ANKS1B: variants seen among roughly 807,000 people sequenced by gnomAD.
ANKS1B encodes the protein ankyrin repeat and sterile alpha motif domain-containing protein 1B.
In ANKS1B, 36 loss-of-function variants were observed where a neutral mutation model predicts 148.3. The observed-to-expected ratio is 0.24, with a 90% CI of 0.19 to 0.32. The LOEUF is 0.32. ANKS1B is among the 10% of genes least tolerant of loss of function. The pLI, the probability that ANKS1B is intolerant of heterozygous loss-of-function variation, is 1.00. For synonymous variants in ANKS1B, 542 were observed against 560.8 expected (o/e 0.97, Z 0.47); for missense variants, 1,157 against 1,542.6 (o/e 0.75, Z 4.19).
intron 19 of ANKS1B, among the ~76,000 whole-genome samples, chr12:98,823,206 T>C (rs1199593220): frequency 6.6e-6 from 1 of 152,240 alleles, no homozygotes; most frequent in Non-Finnish European, 1.5e-5. Flanking sequence ...TGTCAGCTTG[T>C]CAACTTGACG....
intron 4 of ANKS1B, among the ~76,000 whole-genome samples, chr12:99,800,441 C>CA (rs138056927): frequency 0.081 from 7,027 of 86,510 alleles, 473 homozygotes; most frequent in African/African-American, 0.19. Flanking sequence ...ATACAGAAGC[C>CA]AAAAAAAAAA....
intron 17 of ANKS1B, among the ~76,000 whole-genome samples, chr12:98,993,725 T>C (rs2099927974): frequency 6.6e-6 from 1 of 152,222 alleles, no homozygotes; most frequent in African/African-American, 2.4e-5. Context: ...AGTCAATTCT[T>C]TGGCTAAATG....
chr12:99,363,515 G>A (rs1189616282), intron 12 of ANKS1B, among the ~76,000 whole-genome samples: 1 of 152,064 alleles, frequency 6.6e-6, no homozygotes, highest in Non-Finnish European at 1.5e-5. Context: ...ATTTTGCATT[G>A]AGATGAAAAA....
intron 17 of ANKS1B, among the ~76,000 whole-genome samples, chr12:98,882,746 C>T (rs947862822): frequency 6.8e-6 from 1 of 147,746 alleles, no homozygotes; most frequent in Non-Finnish European, 1.5e-5. Context: ...CAAGTAACTG[C>T]CATACTGCAA....
chr12:99,338,635 T>A (rs1041741819), intron 12 of ANKS1B, among the ~76,000 whole-genome samples: 3 of 152,160 alleles, frequency 2.0e-5, no homozygotes, highest in Non-Finnish European at 4.4e-5. Context: ...TGCTGGGCCA[T>A]GCCAGAAGCC....
intron 17 of ANKS1B, among the ~76,000 whole-genome samples, chr12:98,897,667 A>G (rs935630366): frequency 3.0e-4 from 46 of 152,360 alleles, no homozygotes; most frequent in African/African-American, 1.1e-3. Flanking sequence ...GGGATTTCTC[A>G]AAGAGCTATA....
chr12:99,621,764 TC>T (rs1169017688), intron 9 of ANKS1B, among the ~76,000 whole-genome samples: 4 of 152,024 alleles, frequency 2.6e-5, no homozygotes, highest in Non-Finnish European at 5.9e-5. Context: ...AACAAGTATT[TC>T]TAGAGCTACA....
At chr12:99,567,515 T>C (rs57761398) in intron 9 of ANKS1B, among the ~76,000 whole-genome samples, 8,821 of 152,026 alleles carry the variant, frequency 0.058, 367 homozygotes, top group East Asian at 0.24. Context: ...TACATCCATA[T>C]GGTTGTGTGA....
intron 15 of ANKS1B, among the ~76,000 whole-genome samples, chr12:99,137,557 G>T (rs776738466): frequency 2.0e-5 from 3 of 152,196 alleles, no homozygotes; most frequent in Non-Finnish European, 2.9e-5. Flanking sequence ...CACAGAGAGG[G>T]CTGTGGAGAT....
intron 9 of ANKS1B, among the ~76,000 whole-genome samples, chr12:99,634,346 C>T (rs1453290367): frequency 1.3e-5 from 2 of 152,096 alleles, no homozygotes; most frequent in Non-Finnish European, 2.9e-5. Context: ...TGAGGCCCTG[C>T]ACCACCTTGG....
chr12:99,327,028 ATAT>A (rs1472567567), intron 12 of ANKS1B, among the ~76,000 whole-genome samples: 1 of 119,044 alleles, frequency 8.4e-6, no homozygotes, highest in East Asian at 2.0e-4. Flanking sequence ...ATTATAATAA[ATAT>A]TATATATATT....
intron 1 of ANKS1B, among the ~76,000 whole-genome samples, chr12:99,873,945 T>G (rs2091812725): frequency 6.6e-6 from 1 of 151,746 alleles, no homozygotes; most frequent in African/African-American, 2.4e-5. Flanking sequence ...GCTCTGCAGA[T>G]TTTGGACTTG....
chr12:99,914,725 G>C lies in ANKS1B; in HGVS notation c.134+69379C>G, dbSNP rs187832583. On this transcript the variant is annotated intron_variant, in intron 1 of 26. Coordinates refer to ENST00000683438, the MANE Select transcript of ANKS1B (RefSeq NM_001352186.2). ...TGATGCATGGGAGGGTGATATTTAG[G>C]GGGGTGTACATGAGACCACTAAACA... 3.9e-5 allele frequency among the ~76,000 whole-genome samples: 6 copies of C among 152,122 alleles called. No homozygotes were observed. In the East Asian group the frequency reaches 1.2e-3, roughly 30 times the overall value.
At chr12:99,693,844 G>T (rs376578460) in intron 8 of ANKS1B, among the ~76,000 whole-genome samples, 1 of 149,068 alleles carries the variant, frequency 6.7e-6, no homozygotes, top group South Asian at 2.1e-4. Context: ...GCAGTGGCGC[G>T]ATCTCAGCTC....
intron 19 of ANKS1B, among the ~76,000 whole-genome samples, chr12:98,825,644 C>T (rs1014032551): frequency 9.9e-5 from 15 of 152,146 alleles, no homozygotes; most frequent in African/African-American, 2.9e-4. Context: ...GCTTAACTTG[C>T]AGCATTTGGA....
At chr12:99,493,440 A>T (rs1424901458) in intron 10 of ANKS1B, among the ~76,000 whole-genome samples, 2 of 151,638 alleles carry the variant, frequency 1.3e-5, no homozygotes, top group Non-Finnish European at 2.9e-5. Flanking sequence ...TAGTCCAAGG[A>T]AGTGTTACAA....
chr12:99,376,170 T>C (rs1007866812), intron 12 of ANKS1B, among the ~76,000 whole-genome samples: 3 of 152,200 alleles, frequency 2.0e-5, no homozygotes, highest in African/African-American at 7.2e-5. Context: ...ACCTCAGACA[T>C]GCATCAGAAC....
chr12:99,784,035 A>G (rs924292243), intron 4 of ANKS1B, among the ~76,000 whole-genome samples: 5 of 152,136 alleles, frequency 3.3e-5, no homozygotes, highest in African/African-American at 1.2e-4. Flanking sequence ...TAAATTTAAA[A>G]GCCAAAAAAA....
chr12:98,838,665 G>C (rs142738135), intron 17 of ANKS1B, among the ~76,000 whole-genome samples: 3 of 152,092 alleles, frequency 2.0e-5, no homozygotes, highest in Non-Finnish European at 4.4e-5. Flanking sequence ...TCCATTTTAG[G>C]GGGTAGATTA....
Sources: gnomAD v4.1 joint callset for allele counts (sites outside exome capture counted in the v4.1 genomes callset) on GRCh38, gnomAD v4.1.1 for gene constraint, MANE v1.5 for transcripts, NCBI Gene and HGNC (gene_info 2026-07-23, HGNC 2026-07-21) for gene names.